The following CYP4F22 variants were observed in gnomAD, a reference collection of about 807,000 sequenced individuals.
The protein encoded by CYP4F22 is ultra-long-chain fatty acid omega-hydroxylase.
Under a neutral mutation model 60.4 loss-of-function variants are expected in CYP4F22, and 37 were observed. That is an observed-to-expected ratio of 0.61 (90% CI 0.47 to 0.81). The LOEUF is 0.81. Ranked by LOEUF, CYP4F22 falls within the 30% of genes least tolerant of loss-of-function variation. The probability of loss-of-function intolerance (pLI) is 0.00; values close to 1 mark genes in which losing one functional copy is unlikely to be tolerated. For missense variants in CYP4F22, 655 were observed against 715.0 expected (o/e 0.92, Z 0.96); for synonymous variants, 258 against 280.5 (o/e 0.92, Z 0.80).
chr19:15,538,248 T>C (rs1332233301), intron 7 of CYP4F22, among the ~76,000 whole-genome samples: 1 of 152,124 alleles, frequency 6.6e-6, no homozygotes. Context: ...AATGGCTTGG[T>C]ATAAAGTAGG....
At chr19:15,523,013 CAAATTTCACTTCTGCATGGA>C (rs1971242591) in intron 1 of CYP4F22, among the ~76,000 whole-genome samples, 2 of 151,414 alleles carry the variant, frequency 1.3e-5, no homozygotes, top group Admixed American at 1.3e-4. Flanking sequence ...ACCCGGCCAA[CAAATTTCACTTCTGCATGGA>C]AAATGTGGTT....
intron 7 of CYP4F22, 47 bp from the exon 8 acceptor site, chr19:15,540,403 A>G (rs112558850): frequency 0.012 from 19,882 of 1,613,420 alleles, 211 homozygotes; most frequent in Middle Eastern, 0.042. Flanking sequence ...GGGCTGTGCT[A>G]TGCTAGGGGA....
At chr19:15,517,978 G>C (rs1971174396) in intron 1 of CYP4F22, among the ~76,000 whole-genome samples, 4 of 152,142 alleles carry the variant, frequency 2.6e-5, no homozygotes, top group African/African-American at 9.7e-5. Context: ...GAGGAGGGTG[G>C]TGGGAGACAG....
chr19:15,531,136 G>C (rs1273901591), intron 4 of CYP4F22, among the ~76,000 whole-genome samples: 1 of 152,108 alleles, frequency 6.6e-6, no homozygotes, highest in Non-Finnish European at 1.5e-5. Flanking sequence ...CGGCTACTTG[G>C]GTGGCTGAGA....
chr19:15,525,696 A>G, intron 3 of CYP4F22, 138 bp downstream of exon 3: 6 of 844,400 alleles, frequency 7.1e-6, no homozygotes, highest in South Asian at 6.8e-5. Flanking sequence ...ATGATGGGGT[A>G]TGAGGCTGAG....
intron 4 of CYP4F22, among the ~76,000 whole-genome samples, chr19:15,535,918 T>C (rs1369803773): frequency 6.6e-6 from 1 of 152,108 alleles, no homozygotes; most frequent in Non-Finnish European, 1.5e-5. Flanking sequence ...GACTGCTGGG[T>C]CAGGGGTGGG....
In CYP4F22 at chr19:15,537,884, C is replaced by T; in HGVS notation, c.562C>T (p.His188Tyr). Residue 188 changes from histidine (H) to tyrosine (Y), a missense_variant, in exon 7 of 14, where the codon CAT (histidine) becomes TAT (tyrosine). His to Tyr is a moderately conservative substitution (Grantham distance 83). This residue lies in a region of CYP4F22 where 430 missense variants were observed against 457.1 expected (regional missense o/e 0.94). Transcript: ENST00000269703. ...SADIMHAKWR[H>Y]LAEGSAVSLD... Reference sequence around the variant, plus strand: ...ATCTCTCTTCCAGGCTAAATGGCGGCATCTGGCAGAGGGCTCAGCGGTCTC... The same window carrying T: ...ATCTCTCTTCCAGGCTAAATGGCGGTATCTGGCAGAGGGCTCAGCGGTCTC... 6.2e-7 allele frequency: 1 copy of T among 1,613,962 alleles called. No homozygotes were observed. The highest frequency in any genetic ancestry group is 8.5e-7 in the Non-Finnish European group (1 of 1,180,026).
chr19:15,509,854 C>T (rs918106578), intron 1 of CYP4F22, among the ~76,000 whole-genome samples: 1 of 110,004 alleles, frequency 9.1e-6, no homozygotes, highest in Non-Finnish European at 1.9e-5. Flanking sequence ...GGACCCATCT[C>T]TCCTTCCTTC....
At position 15,508,824 on chromosome 19, in the gene CYP4F22, TTTC is replaced by T. The variant is rs907051569; in HGVS notation, c.-109+244_-109+246del. Among the ~76,000 whole-genome samples, 59 of 151,754 alleles carry T rather than the reference TTTC, an allele frequency of 3.9e-4. 1 individual carries two copies. In the East Asian group the frequency reaches 0.01, roughly 26 times the overall value. On this transcript the variant is annotated intron_variant, in intron 1 of 13. Transcript: ENST00000269703. ...GACGTTTGCTGCATTTGTGAGTTGT[TTTC>T]TTTTTTTTTTTTTCTGTGTGCGCCT... is the stretch of plus-strand genomic sequence containing the variant.
At chr19:15,544,603 T>C (rs1193724423) in intron 10 of CYP4F22, among the ~76,000 whole-genome samples, 1 of 152,214 alleles carries the variant, frequency 6.6e-6, no homozygotes, top group Non-Finnish European at 1.5e-5. Context: ...ATTACTCTAA[T>C]TGCTGTTGGA....
At chr19:15,531,260 G>A (rs1971339921) in intron 4 of CYP4F22, among the ~76,000 whole-genome samples, 1 of 151,968 alleles carries the variant, frequency 6.6e-6, no homozygotes, top group African/African-American at 2.4e-5. Context: ...CATGCCTGCA[G>A]TCCCAGCTAC....
rs1046187791 is a variant in CYP4F22 at position 15,537,295 on chromosome 19, C to T, written c.368-66C>T. On this transcript the variant is annotated intron_variant, in intron 4 of 13. Transcript: ENST00000269703. ...CAGCCTGGATGACAGAGCAAGACTCCGTAAAAAAAAACAAAAAACCAAAAA... is the reference window on the plus strand; with the variant it reads ...CAGCCTGGATGACAGAGCAAGACTCTGTAAAAAAAAACAAAAAACCAAAAA... 5.4e-5 allele frequency: 85 copies of T among 1,578,844 alleles called. No individual in the cohort carries two copies. The Middle Eastern group carries it at 1.1e-3, about 20-fold the overall frequency.
chr19:15,535,475 C>T (rs1310333923), intron 4 of CYP4F22, among the ~76,000 whole-genome samples: 1 of 152,224 alleles, frequency 6.6e-6, no homozygotes, highest in Non-Finnish European at 1.5e-5. Flanking sequence ...AGTGATATCA[C>T]TCGAATTTCA....
At chr19:15,549,647 G>A (rs1971571981) in intron 12 of CYP4F22, among the ~76,000 whole-genome samples, 1 of 151,230 alleles carries the variant, frequency 6.6e-6, no homozygotes, top group South Asian at 2.1e-4. Context: ...GGGCAACACA[G>A]CGAGACCCCC....
At chr19:15,549,781 G>T (rs1036094965) in intron 12 of CYP4F22, among the ~76,000 whole-genome samples, 1 of 148,394 alleles carries the variant, frequency 6.7e-6, no homozygotes, top group Non-Finnish European at 1.5e-5. Flanking sequence ...CCCAGCCTGG[G>T]CAACACAGTG....
At chr19:15,510,598 A>G (rs116274080) in intron 1 of CYP4F22, among the ~76,000 whole-genome samples, 2 of 152,106 alleles carry the variant, frequency 1.3e-5, no homozygotes, top group African/African-American at 4.8e-5. Flanking sequence ...AACAATTACA[A>G]CCCTGCAATG....
chr19:15,517,506 A>G (rs951733965), intron 1 of CYP4F22, among the ~76,000 whole-genome samples: 11 of 152,294 alleles, frequency 7.2e-5, no homozygotes, highest in African/African-American at 2.2e-4. Context: ...CCATCTCCCC[A>G]TGTACCCAGC....
rs144465443 is a variant in CYP4F22, at chr19:15,525,402, C to T, written c.66C>T (p.Tyr22=). The change falls in exon 3 of 14, where the codon TAC becomes TAT. Residue 22 remains tyrosine, a synonymous_variant. Transcript: ENST00000269703. ...TGGAGAAGACGGCGTTCCGCATATACGCGGTGTCCACCCTTCTCCTCTTCC... is the reference window on the plus strand; with the variant it reads ...TGGAGAAGACGGCGTTCCGCATATATGCGGTGTCCACCCTTCTCCTCTTCC... ...LGLEKTAFRI[Y]AVSTLLLFLL... is the part of the protein sequence containing the mutation. 142 of 1,614,170 alleles carry T rather than the reference C, an allele frequency of 8.8e-5. 1 individual carries two copies. The Admixed American group carries it at 9.3e-4, about 11-fold the overall frequency.
At chr19:15,541,753 A>G (rs957188677) in intron 8 of CYP4F22, among the ~76,000 whole-genome samples, 3 of 151,240 alleles carry the variant, frequency 2.0e-5, no homozygotes, top group Non-Finnish European at 4.4e-5. Flanking sequence ...GGTGGCACAC[A>G]CCTGTAATCC....
Sources: allele counts gnomAD v4.1 joint callset (sites outside exome capture counted in the v4.1 genomes callset), GRCh38; gene constraint gnomAD v4.1.1; regional missense constraint gnomAD v4.1.1; transcripts MANE v1.5; gene names NCBI Gene and HGNC (gene_info 2026-07-23, HGNC 2026-07-21).